Variants in FAM222B observed in about 807,000 individuals in gnomAD.
The protein encoded by FAM222B is protein FAM222B.
A neutral mutation model predicts 38.0 loss-of-function variants in FAM222B; 12 were observed. The observed-to-expected ratio is 0.32, with a 90% confidence interval of 0.20 to 0.51. The LOEUF is 0.51. Ranked by LOEUF, FAM222B falls within the 20% of genes least tolerant of loss-of-function variation. The pLI is 0.97. For missense variants in FAM222B, 716 were observed against 754.2 expected (o/e 0.95, Z 0.59); for synonymous variants, 329 against 317.2 (o/e 1.04, Z -0.40).
At chr17:28,785,269 A>G (rs766142260) in intron 1 of FAM222B, among the ~76,000 whole-genome samples, 1 of 152,164 alleles carries the variant, frequency 6.6e-6, no homozygotes, top group Admixed American at 6.6e-5. Context: ...CAGCCTTTTA[A>G]AAGTGTTGAA....
chr17:28,811,358 T>C (rs550792460), intron 1 of FAM222B, among the ~76,000 whole-genome samples: 1 of 152,264 alleles, frequency 6.6e-6, no homozygotes, highest in East Asian at 1.9e-4. Flanking sequence ...GGGAATCGCT[T>C]GAACCCTGGA....
chr17:28,794,624 G>GT (rs2036855651), intron 1 of FAM222B, among the ~76,000 whole-genome samples: 1 of 152,232 alleles, frequency 6.6e-6, no homozygotes, highest in East Asian at 1.9e-4. Flanking sequence ...TATTTTGCTT[G>GT]TAAGTCCACT....
chr17:28,775,302 AAGG>A (rs915723589), intron 1 of FAM222B, among the ~76,000 whole-genome samples: 1 of 151,978 alleles, frequency 6.6e-6, no homozygotes, highest in African/African-American at 2.4e-5. Context: ...TTGATGGGAA[AAGG>A]AGGAGAAGAT....
chr17:28,762,006 C>T (rs1407130819), intron 2 of FAM222B: 1 of 152,124 alleles, frequency 6.6e-6, no homozygotes, highest in Non-Finnish European at 1.5e-5. Context: ...AGAAGAGTCC[C>T]TTTGTTCCAA....
rs147215431 is a variant in FAM222B at position 28,784,160 on chromosome 17, T to C, written c.-40-17453A>G. 1.3e-4 allele frequency among the ~76,000 whole-genome samples: 20 copies of C among 152,178 alleles called. No individual in the cohort carries two copies. In the East Asian group the frequency reaches 3.7e-3, roughly 28 times the overall value. On this transcript the variant is annotated intron_variant, in intron 1 of 2. Transcript: ENST00000581407. ...CATATTCCAGTGCTTAGGTGCCTGA[T>C]ACACAGTAAACATTATTTACATGTT...
chr17:28,854,981 C>T (rs1056069293), exon 1 of FAM222B: 1 of 1,512,378 alleles, frequency 6.6e-7, no homozygotes, highest in Non-Finnish European at 8.8e-7. Flanking sequence ...GTCAGCCGCT[C>T]TGTTCAATCG....
intron 1 of FAM222B, among the ~76,000 whole-genome samples, chr17:28,789,156 C>T (rs2036555444): frequency 6.9e-6 from 1 of 145,630 alleles, no homozygotes; most frequent in African/African-American, 2.5e-5. Context: ...AACAAAAGTT[C>T]AAAATTCTTC....
chr17:28,813,985 A>G (rs55969304), intron 1 of FAM222B, among the ~76,000 whole-genome samples: 1 of 151,950 alleles, frequency 6.6e-6, no homozygotes, highest in African/African-American at 2.4e-5. Flanking sequence ...CAACGTGGGC[A>G]GATCACTTGA....
intron 1 of FAM222B, among the ~76,000 whole-genome samples, chr17:28,793,668 T>C (rs2151879518): frequency 6.6e-6 from 1 of 151,970 alleles, no homozygotes; most frequent in East Asian, 1.9e-4. Flanking sequence ...CATCAACTTA[T>C]CCCCTACTTT....
At chr17:28,798,182 A>G (rs1355321047) in intron 1 of FAM222B, among the ~76,000 whole-genome samples, 1 of 152,158 alleles carries the variant, frequency 6.6e-6, no homozygotes, top group Non-Finnish European at 1.5e-5. Flanking sequence ...CAGGAGTCCA[A>G]GAGTTTGAGA....
At chr17:28,769,174 CTTTTTT>C (rs35918064) in intron 1 of FAM222B, among the ~76,000 whole-genome samples, 19 of 82,574 alleles carry the variant, frequency 2.3e-4, no homozygotes, top group East Asian at 4.4e-4. Context: ...AATGTTAGTT[CTTTTTT>C]TTTTTTTTTT....
intron 1 of FAM222B, among the ~76,000 whole-genome samples, chr17:28,850,551 G>C (rs2039174024): frequency 6.6e-6 from 1 of 152,084 alleles, no homozygotes; most frequent in Non-Finnish European, 1.5e-5. Flanking sequence ...GCCCACCTCG[G>C]CCTCCCGAAG....
chr17:28,832,980 GA>G (rs1265532828), intron 1 of FAM222B, among the ~76,000 whole-genome samples: 1 of 132,922 alleles, frequency 7.5e-6, no homozygotes, highest in African/African-American at 2.9e-5. Context: ...AGACCACCCT[GA>G]GCAACACAGT....
In FAM222B at chr17:28,790,915, T is replaced by TTTTTA. The variant is rs752443903; in HGVS notation, c.-40-24209_-40-24208insTAAAA. On this transcript the variant is annotated intron_variant, in intron 1 of 2. Transcript: ENST00000581407. ...TTTTTTTTTTTTTTTTTTTTTTTTTTAGAGACAGAATCTTGCTCTGTTGCC... is the reference window on the plus strand; with the variant it reads ...TTTTTTTTTTTTTTTTTTTTTTTTTTTTTTAAGAGACAGAATCTTGCTCTGTTGCC... Among the ~76,000 whole-genome samples, 684 of 121,018 alleles carry TTTTTA rather than the reference T, an allele frequency of 5.7e-3. 43 individuals carry two copies. The highest frequency in any genetic ancestry group is 0.021 in the African/African-American group (645 of 30,806). The allele number at this position is 121,018 out of a possible 152,430, so 79.4% of individuals were successfully genotyped here.
At chr17:28,809,927 T>C (rs981322724) in intron 1 of FAM222B, among the ~76,000 whole-genome samples, 2 of 152,144 alleles carry the variant, frequency 1.3e-5, no homozygotes, top group African/African-American at 2.4e-5. Flanking sequence ...AGATATCAAA[T>C]AGAAGGGCAA....
At chr17:28,775,150 A>G (rs1201425558) in intron 1 of FAM222B, among the ~76,000 whole-genome samples, 1 of 151,006 alleles carries the variant, frequency 6.6e-6, no homozygotes, top group East Asian at 2.0e-4. Flanking sequence ...ACAGGTGTGC[A>G]CCACCATGCC....
Position 28,840,345 on chromosome 17 carries a change from G to A in FAM222B, c.-41+2337C>T, listed in dbSNP as rs201750062. On this transcript the variant is annotated intron_variant, in intron 1 of 2. Transcript: ENST00000581407. The stretch of plus-strand genomic sequence containing the variant: ...TGCGCTACTGCACTCCAGCCTGGGC[G>A]ACAGAACAAGACTCTGTGTCAAAAC... 1.4e-4 allele frequency among the ~76,000 whole-genome samples: 22 copies of A among 152,164 alleles called. No homozygotes were observed. The East Asian group carries it at 2.5e-3, about 17-fold the overall frequency.
intron 1 of FAM222B, among the ~76,000 whole-genome samples, chr17:28,831,816 C>G (rs1044147096): frequency 6.6e-6 from 1 of 152,088 alleles, no homozygotes; most frequent in African/African-American, 2.4e-5. Context: ...CATGCCTGAC[C>G]ATGTCAAAGA....
intron 1 of FAM222B, among the ~76,000 whole-genome samples, chr17:28,835,319 G>A (rs1333480610): frequency 2.6e-5 from 4 of 151,970 alleles, no homozygotes; most frequent in Non-Finnish European, 5.9e-5. Context: ...ACAGGTGTAA[G>A]CCACTGCATC....
Sources: allele counts gnomAD v4.1 joint callset (sites outside exome capture counted in the v4.1 genomes callset), GRCh38; gene constraint gnomAD v4.1.1; transcripts MANE v1.5; gene names NCBI Gene and HGNC (gene_info 2026-07-23, HGNC 2026-07-21).